THRB: variants seen among roughly 807,000 people sequenced by gnomAD.
THRB encodes nuclear receptor subfamily 1 group A member 2.
A neutral mutation model predicts 47.8 loss-of-function variants in THRB; 12 were observed. The ratio of observed to expected loss-of-function variants is 0.25; its 90% CI spans 0.16 to 0.41. The LOEUF (loss-of-function observed/expected upper bound fraction) is 0.41, where lower values mean the gene tolerates loss of function less well. THRB is among the 10% of genes least tolerant of loss of function. The probability of loss-of-function intolerance (pLI) is 1.00; values close to 1 mark genes in which losing one functional copy is unlikely to be tolerated. For missense variants in THRB, 348 were observed against 589.2 expected, an observed-to-expected ratio of 0.59 and a Z score of 4.24; for synonymous variants, 218 against 212.2, an observed-to-expected ratio of 1.03 and a Z score of -0.24.
Position 24,123,090 on chromosome 3 carries a change from TTTCTA to T in THRB, c.1175_1179del (p.Ile392LysfsTer5). 6.2e-7 allele frequency: 1 copy of T among 1,614,154 alleles called. No individual in the cohort carries two copies. ...GCCAGCAGGAAACTATCTTGGTACT[TTTCTA>T]TTCTCTCAACACAGGCAAGCCCCGG... is the stretch of plus-strand genomic sequence containing the variant. On this transcript the variant is annotated frameshift_variant, in exon 11 of 11. Transcript: ENST00000646209. LOFTEE classifies it high-confidence loss of function.
At chr3:24,198,290 A>T (rs986969139) in intron 4 of THRB, among the ~76,000 whole-genome samples, 15 of 152,208 alleles carry the variant, frequency 9.9e-5, no homozygotes, top group African/African-American at 3.1e-4. Flanking sequence ...ATCTGCTATT[A>T]CTACATTCAA....
chr3:24,379,309 G>A (rs1438065426), intron 1 of THRB, among the ~76,000 whole-genome samples: 2 of 152,028 alleles, frequency 1.3e-5, no homozygotes, highest in Non-Finnish European at 2.9e-5. Context: ...TAGGTCACAG[G>A]AAGCCACAGA....
chr3:24,334,193 G>A (rs1213348348), intron 2 of THRB, among the ~76,000 whole-genome samples: 3 of 152,120 alleles, frequency 2.0e-5, no homozygotes, highest in South Asian at 2.1e-4. Context: ...AATAACACAG[G>A]TACAGGGCCC....
intron 1 of THRB, among the ~76,000 whole-genome samples, chr3:24,379,565 T>C (rs1344135974): frequency 6.6e-6 from 1 of 152,102 alleles, no homozygotes; most frequent in Non-Finnish European, 1.5e-5. Flanking sequence ...TGGAAGGGAC[T>C]ATAAGGGAAG....
At chr3:24,250,350 T>C (rs1296373327) in intron 3 of THRB, among the ~76,000 whole-genome samples, 1 of 152,152 alleles carries the variant, frequency 6.6e-6, no homozygotes, top group Non-Finnish European at 1.5e-5. Context: ...AAATTATTTA[T>C]CAGGTAGAAA....
At chr3:24,383,670 T>C (rs1296575220) in intron 1 of THRB, among the ~76,000 whole-genome samples, 1 of 152,162 alleles carries the variant, frequency 6.6e-6, no homozygotes, top group Non-Finnish European at 1.5e-5. Context: ...TCTTGACAAC[T>C]CAATTCAGTT....
At chr3:24,415,618 A>G (rs1357975011) in intron 1 of THRB, among the ~76,000 whole-genome samples, 1 of 151,912 alleles carries the variant, frequency 6.6e-6, no homozygotes, top group African/African-American at 2.4e-5. Flanking sequence ...TCAACGGCAC[A>G]TGTAGTTGAG....
chr3:24,388,629 G>A (rs1422471512), intron 1 of THRB, among the ~76,000 whole-genome samples: 2 of 152,156 alleles, frequency 1.3e-5, no homozygotes, highest in Non-Finnish European at 2.9e-5. Flanking sequence ...CTGAACAGCT[G>A]TAGTTGAGGG....
chr3:24,210,865 G>A (rs2045949318), intron 4 of THRB, among the ~76,000 whole-genome samples: 1 of 152,164 alleles, frequency 6.6e-6, no homozygotes, highest in South Asian at 2.1e-4. Context: ...GTTTTTGGGA[G>A]GGTTCCATAG....
At chr3:24,296,129 T>G (rs957581519) in intron 3 of THRB, among the ~76,000 whole-genome samples, 5 of 152,256 alleles carry the variant, frequency 3.3e-5, no homozygotes, top group African/African-American at 1.2e-4. Flanking sequence ...TACTTAGAAT[T>G]AAAGGTCAGA....
chr3:24,171,636 A>G (rs1302288773), intron 5 of THRB, among the ~76,000 whole-genome samples: 1 of 152,010 alleles, frequency 6.6e-6, no homozygotes, highest in African/African-American at 2.4e-5. Flanking sequence ...TGGGGCCTTT[A>G]TTTTCCCACC....
chr3:24,187,753 A>G (rs1252515208), intron 5 of THRB, among the ~76,000 whole-genome samples: 1 of 152,238 alleles, frequency 6.6e-6, no homozygotes, highest in African/African-American at 2.4e-5. Context: ...AGAGCTGACA[A>G]GCAGAGCAGA....
At chr3:24,336,170 T>A (rs1321055200) in intron 2 of THRB, among the ~76,000 whole-genome samples, 1 of 152,244 alleles carries the variant, frequency 6.6e-6, no homozygotes, top group Non-Finnish European at 1.5e-5. Flanking sequence ...GAACTATGGC[T>A]GGTCCTCTCT....
At position 24,163,232 on chromosome 3, in the gene THRB, G is replaced by A. The variant is rs1455503489; in HGVS notation, c.284-10742C>T. Among the ~76,000 whole-genome samples, 3 of 152,154 alleles carry A rather than the reference G, an allele frequency of 2.0e-5. No individual in the cohort carries two copies. In the South Asian group the frequency reaches 6.2e-4, roughly 32 times the overall value. Reference sequence around the variant, plus strand: ...TCGAAGACTTGTAAAAGTAAATAATGGTGCATTTAAGAATATTTGCCTGTT... The same window carrying A: ...TCGAAGACTTGTAAAAGTAAATAATAGTGCATTTAAGAATATTTGCCTGTT... On this transcript the variant is annotated intron_variant, in intron 5 of 10. Coordinates refer to ENST00000646209, the MANE Select transcript of THRB (RefSeq NM_001354712.2).
At chr3:24,371,993 A>G (rs2064955119) in intron 1 of THRB, among the ~76,000 whole-genome samples, 1 of 152,110 alleles carries the variant, frequency 6.6e-6, no homozygotes, top group Non-Finnish European at 1.5e-5. Flanking sequence ...TATGCCCCCA[A>G]TAACACCGGA....
chr3:24,146,018 G>C (rs1434911233), intron 7 of THRB, among the ~76,000 whole-genome samples: 1 of 152,116 alleles, frequency 6.6e-6, no homozygotes, highest in African/African-American at 2.4e-5. Flanking sequence ...GTGGGGAGAA[G>C]AGACCCCAAG....
intron 1 of THRB, among the ~76,000 whole-genome samples, chr3:24,428,095 A>G (rs1466858405): frequency 2.0e-5 from 3 of 152,028 alleles, no homozygotes; most frequent in African/African-American, 7.2e-5. Context: ...CTTTAAAGTA[A>G]AATATATCAA....
At chr3:24,295,909 G>T (rs1576627686) in intron 3 of THRB, among the ~76,000 whole-genome samples, 1 of 152,208 alleles carries the variant, frequency 6.6e-6, no homozygotes, top group East Asian at 1.9e-4. Context: ...GGAGCCATTA[G>T]CCCTGTGTGG....
chr3:24,229,478 T>G (rs2048032152), intron 3 of THRB, among the ~76,000 whole-genome samples: 2 of 152,188 alleles, frequency 1.3e-5, no homozygotes, highest in Non-Finnish European at 2.9e-5. Context: ...ATGTGCACTT[T>G]CAAGTCATAG....
Sources: gnomAD v4.1 joint callset for allele counts (sites outside exome capture counted in the v4.1 genomes callset) on GRCh38, gnomAD v4.1.1 for gene constraint, MANE v1.5 for transcripts, NCBI Gene and HGNC (gene_info 2026-07-23, HGNC 2026-07-21) for gene names.